The following PITPNB variants were observed in gnomAD, a reference collection of about 807,000 sequenced individuals.
PITPNB encodes the protein phosphatidylinositol transfer protein beta isoform.
Under a neutral mutation model 45.9 loss-of-function variants are expected in PITPNB, and 16 were observed. That is an observed-to-expected ratio of 0.35 (90% confidence interval 0.24 to 0.53). PITPNB has a LOEUF of 0.53. PITPNB is among the 20% of genes least tolerant of loss of function. The probability of loss-of-function intolerance (pLI) is 0.93; values close to 1 mark genes in which losing one functional copy is unlikely to be tolerated. For missense variants in PITPNB, 188 were observed against 330.5 expected (o/e 0.57, Z 3.34); for synonymous variants, 112 against 108.9 (o/e 1.03, Z -0.18).
chr22:27,857,734 G>A (rs1392089142), intron 10 of PITPNB, among the ~76,000 whole-genome samples: 1 of 152,200 alleles, frequency 6.6e-6, no homozygotes, highest in East Asian at 1.9e-4. Flanking sequence ...GAGGAAGCCA[G>A]GGAAGAATCC....
At position 27,853,401 on chromosome 22, in the gene PITPNB, T is replaced by C. The variant is rs1336913988; in HGVS notation, c.*301A>G. 5 of 489,064 alleles carry C rather than the reference T, an allele frequency of 1.0e-5. No individual in the cohort carries two copies. The highest frequency in any genetic ancestry group is 7.8e-5 in the African/African-American group (4 of 51,102). The allele number at this position is 489,064 out of a possible 1,614,324, so 30.3% of individuals were successfully genotyped here. On this transcript the variant is annotated 3_prime_UTR_variant, in exon 12 of 12. Coordinates refer to ENST00000335272, the MANE Select transcript of PITPNB (RefSeq NM_012399.5). The stretch of plus-strand genomic sequence containing the variant: ...AGATAGGTACAGTACTTTGGAGAAA[T>C]TGTACTAATCCCTTCAGTATGTCTG...
At chr22:27,864,099 G>T (rs964725802) in intron 8 of PITPNB, among the ~76,000 whole-genome samples, 1 of 152,044 alleles carries the variant, frequency 6.6e-6, no homozygotes, top group African/African-American at 2.4e-5. Flanking sequence ...TAAACAGCCT[G>T]CTGCCTAAAA....
chr22:27,907,745 T>C (rs112403893), intron 3 of PITPNB, among the ~76,000 whole-genome samples: 3 of 152,172 alleles, frequency 2.0e-5, no homozygotes, highest in African/African-American at 7.2e-5. Context: ...TGGGACTTGA[T>C]GTGGGTGTGG....
intron 3 of PITPNB, among the ~76,000 whole-genome samples, chr22:27,900,593 T>C (rs1935565357): frequency 6.6e-6 from 1 of 152,192 alleles, no homozygotes; most frequent in South Asian, 2.1e-4. Context: ...GTGAGAACAT[T>C]ATCAAATACA....
At chr22:27,894,531 T>G (rs745989777) in intron 7 of PITPNB, 24 bp downstream of exon 7, 2 of 1,215,018 alleles carry the variant, frequency 1.6e-6, no homozygotes, top group Non-Finnish European at 2.4e-6. Flanking sequence ...GGGAACAGAT[T>G]AAATGTCATT....
At chr22:27,887,180 T>C (rs1303823788) in intron 7 of PITPNB, among the ~76,000 whole-genome samples, 2 of 152,226 alleles carry the variant, frequency 1.3e-5, no homozygotes, top group African/African-American at 2.4e-5. Context: ...AGATTCTACA[T>C]GTGAGGTGTT....
chr22:27,905,292 T>C (rs1275465437), intron 3 of PITPNB, among the ~76,000 whole-genome samples: 1 of 152,070 alleles, frequency 6.6e-6, no homozygotes, highest in African/African-American at 2.4e-5. Context: ...GGATTACAGG[T>C]GCCTGCCACC....
At chr22:27,860,884 A>G (rs1016912805) in intron 8 of PITPNB, among the ~76,000 whole-genome samples, 2 of 152,042 alleles carry the variant, frequency 1.3e-5, no homozygotes, top group African/African-American at 4.8e-5. Context: ...AAAATAAACT[A>G]TTTTTTTAAA....
intron 8 of PITPNB, among the ~76,000 whole-genome samples, chr22:27,866,326 C>G (rs1934483853): frequency 6.6e-6 from 1 of 152,108 alleles, no homozygotes; most frequent in African/African-American, 2.4e-5. Flanking sequence ...AACTCCCAAG[C>G]CTGAGTCATG....
chr22:27,867,393 T>C (rs1212977142), intron 8 of PITPNB, among the ~76,000 whole-genome samples: 2 of 152,086 alleles, frequency 1.3e-5, no homozygotes, highest in African/African-American at 4.8e-5. Context: ...AAATGGAAAA[T>C]ATTAAATGGA....
chr22:27,854,827 C>A, intron 11 of PITPNB, 27 bp downstream of exon 11: 1 of 1,465,142 alleles, frequency 6.8e-7, no homozygotes, highest in South Asian at 1.2e-5. Context: ...GGTTTCGAAA[C>A]ATCTTTTTAC....
intron 7 of PITPNB, among the ~76,000 whole-genome samples, chr22:27,889,710 A>G (rs574862152): frequency 1.1e-4 from 17 of 152,300 alleles, no homozygotes; most frequent in Admixed American, 2.6e-4. Context: ...TAAGACTGTA[A>G]GTCTCTTGTA....
chr22:27,917,835 T>C (rs996063789), intron 1 of PITPNB, among the ~76,000 whole-genome samples: 1 of 152,154 alleles, frequency 6.6e-6, no homozygotes, highest in Admixed American at 6.5e-5. Context: ...ATAAGTACTA[T>C]GGAGACCGAT....
At chr22:27,916,163 T>C (rs890467897) in intron 1 of PITPNB, among the ~76,000 whole-genome samples, 1 of 152,234 alleles carries the variant, frequency 6.6e-6, no homozygotes, top group Non-Finnish European at 1.5e-5. Flanking sequence ...CCTATTTTTA[T>C]TTAAGAACAC....
At chr22:27,864,635 G>A (rs959925809) in intron 8 of PITPNB, among the ~76,000 whole-genome samples, 3 of 152,140 alleles carry the variant, frequency 2.0e-5, no homozygotes, top group African/African-American at 7.2e-5. Context: ...TATGCATACA[G>A]CCATTAAAAA....
In PITPNB at chr22:27,892,793, C is replaced by G. The variant is rs1036052692; in HGVS notation, c.456+1762G>C. The stretch of plus-strand genomic sequence containing the variant: ...AAATTGAAACAACTTCGAATCACAG[C>G]AAAACTAAAATTTAAGAACTTCTAG... On this transcript the variant is annotated intron_variant, in intron 7 of 11. Transcript: ENST00000335272. Among the ~76,000 whole-genome samples the G allele has an allele frequency of 3.3e-5, 5 of 152,106 alleles. 1 individual carries two copies. The South Asian group carries it at 1.0e-3, about 32-fold the overall frequency.
chr22:27,902,285 C>T (rs780285502), intron 3 of PITPNB, among the ~76,000 whole-genome samples: 2 of 152,058 alleles, frequency 1.3e-5, no homozygotes, highest in South Asian at 2.1e-4. Context: ...AAAGACTTAA[C>T]GTGCTTGAGC....
chr22:27,884,320 G>A (rs1355922410), intron 7 of PITPNB, among the ~76,000 whole-genome samples: 3 of 152,208 alleles, frequency 2.0e-5, no homozygotes, highest in African/African-American at 7.2e-5. Context: ...GTAAGGAAGA[G>A]GCACATGAGA....
chr22:27,916,510 T>C (rs1936078967), intron 1 of PITPNB, among the ~76,000 whole-genome samples: 1 of 152,158 alleles, frequency 6.6e-6, no homozygotes, highest in Non-Finnish European at 1.5e-5. Context: ...ATTTTAATTC[T>C]TATAAAAAAA....
Sources: gnomAD v4.1 joint callset for allele counts (sites outside exome capture counted in the v4.1 genomes callset) on GRCh38, gnomAD v4.1.1 for gene constraint, MANE v1.5 for transcripts, NCBI Gene and HGNC (gene_info 2026-07-23, HGNC 2026-07-21) for gene names.